The following ST8SIA2 variants were observed in gnomAD, a reference collection of about 807,000 sequenced individuals.
The protein encoded by ST8SIA2 is alpha-2,8-sialyltransferase 8B.
In ST8SIA2, 22 loss-of-function variants were observed where a neutral mutation model predicts 37.6. The observed-to-expected ratio is 0.58, with a 90% CI of 0.42 to 0.83. The LOEUF (loss-of-function observed/expected upper bound fraction) is 0.83. ST8SIA2 is among the 40% of genes least tolerant of loss of function. The pLI is 0.00. For synonymous variants in ST8SIA2, 205 were observed against 201.2 expected, an observed-to-expected ratio of 1.02 and a Z score of -0.16; for missense variants, 382 against 484.7, an observed-to-expected ratio of 0.79 and a Z score of 1.99.
At chr15:92,452,917 A>G (rs2049892426) in intron 5 of ST8SIA2, among the ~76,000 whole-genome samples, 1 of 152,148 alleles carries the variant, frequency 6.6e-6, no homozygotes, top group South Asian at 2.1e-4. Flanking sequence ...GGGAAAGGGA[A>G]AATTCAACCC....
intron 1 of ST8SIA2, among the ~76,000 whole-genome samples, chr15:92,424,396 T>C (rs2141823127): frequency 6.6e-6 from 1 of 152,054 alleles, no homozygotes; most frequent in South Asian, 2.1e-4. Flanking sequence ...TTATTAAAAA[T>C]GAAATAAAAT....
intron 5 of ST8SIA2, among the ~76,000 whole-genome samples, chr15:92,457,999 T>C (rs2049931444): frequency 6.6e-6 from 1 of 152,242 alleles, no homozygotes; most frequent in Admixed American, 6.5e-5. Flanking sequence ...CACTGCTGGC[T>C]TCCTCCTTTC....
chr15:92,397,300 G>A (rs574858084), intron 1 of ST8SIA2, among the ~76,000 whole-genome samples: 1 of 152,298 alleles, frequency 6.6e-6, no homozygotes, highest in South Asian at 2.1e-4. Context: ...GGCTTTTAAT[G>A]TGGTGGTCTC....
chr15:92,444,876 C>T lies in ST8SIA2; in HGVS notation c.789C>T (p.His263=), dbSNP rs908217761. 11 of 1,613,466 alleles carry T rather than the reference C, an allele frequency of 6.8e-6. No individual in the cohort carries two copies. Among genetic ancestry groups the T allele is most frequent in the Admixed American group, 1.7e-5 (1 of 60,016 alleles). Residue 263 remains histidine, a synonymous_variant, in exon 5 of 6, where the codon CAC becomes CAT. Coordinates refer to ENST00000268164, the MANE Select transcript of ST8SIA2 (RefSeq NM_006011.4). ...EWVNELILKH[H]VNVRTAYPSL... is the part of the protein sequence containing the mutation. ...TCAACGAGCTTATCCTGAAGCACCA[C>T]GTCAACGTGCGCACTGCATACCCCT... is the stretch of plus-strand genomic sequence containing the variant.
In ST8SIA2 at chr15:92,434,373, C is replaced by G; in HGVS notation, c.288C>G (p.Ile96Met). 5 of 1,614,196 alleles carry G rather than the reference C, an allele frequency of 3.1e-6. No individual in the cohort carries two copies. Among genetic ancestry groups the G allele is most frequent in the Non-Finnish European group, 4.2e-6 (5 of 1,180,030 alleles). Residue 96 changes from isoleucine to methionine, a missense_variant and splice_region_variant, in exon 3 of 6, where the codon ATC becomes ATG. Ile to Met is a conservative substitution (Grantham distance 10, BLOSUM62 1). Transcript: ENST00000268164. The stretch of plus-strand genomic sequence containing the variant: ...ATAACCAGACGCTCTCTCTGAGGAT[C>G]AGGTACTGGTAATTACCTACAGGAC... ...WRHNQTLSLR[I>M]RKQILKFLDA... is the part of the protein sequence containing the mutation.
intron 1 of ST8SIA2, among the ~76,000 whole-genome samples, chr15:92,407,231 G>A (rs1419424297): frequency 6.6e-6 from 1 of 152,298 alleles, no homozygotes; most frequent in Non-Finnish European, 1.5e-5. Flanking sequence ...GATCTAGCTG[G>A]CTGTTTTCCA....
At chr15:92,458,643 A>G (rs1422038521) in intron 5 of ST8SIA2, among the ~76,000 whole-genome samples, 1 of 152,194 alleles carries the variant, frequency 6.6e-6, no homozygotes, top group Non-Finnish European at 1.5e-5. Flanking sequence ...AGCAGGACCA[A>G]CGACCTTCCC....
Position 92,423,855 on chromosome 15 carries a change from C to T in ST8SIA2, c.99-6194C>T, listed in dbSNP as rs79686467. ...AGCAGATGGTAAATTTCATGTTATA[C>T]GTATTTTACCACGATTTTAAAAATT... On this transcript the variant is annotated intron_variant, in intron 1 of 5. Transcript: ENST00000268164. 5.3e-3 allele frequency among the ~76,000 whole-genome samples: 813 copies of T among 152,282 alleles called. 12 individuals are homozygous for T. Among genetic ancestry groups the T allele is most frequent in the African/African-American group, 0.019 (772 of 41,554 alleles).
chr15:92,403,497 C>T (rs1345289637), intron 1 of ST8SIA2, among the ~76,000 whole-genome samples: 2 of 152,158 alleles, frequency 1.3e-5, no homozygotes, highest in Non-Finnish European at 2.9e-5. Flanking sequence ...AACACTTCAG[C>T]GGAGGCTCTG....
chr15:92,405,036 G>A (rs1421079225), intron 1 of ST8SIA2, among the ~76,000 whole-genome samples: 1 of 152,156 alleles, frequency 6.6e-6, no homozygotes, highest in East Asian at 1.9e-4. Flanking sequence ...ACAGGCAGGA[G>A]GATAGCTTGA....
intron 1 of ST8SIA2, among the ~76,000 whole-genome samples, chr15:92,421,973 C>T (rs973658735): frequency 1.3e-5 from 2 of 152,210 alleles, no homozygotes; most frequent in African/African-American, 2.4e-5. Context: ...AAAACGTGGT[C>T]TCAATTATGA....
At chr15:92,406,253 A>G (rs2049507234) in intron 1 of ST8SIA2, among the ~76,000 whole-genome samples, 1 of 152,240 alleles carries the variant, frequency 6.6e-6, no homozygotes. Flanking sequence ...TGTTAAAAAC[A>G]GAACGCTGGA....
intron 1 of ST8SIA2, among the ~76,000 whole-genome samples, chr15:92,410,921 T>G (rs979664733): frequency 5.9e-5 from 9 of 152,128 alleles, no homozygotes; most frequent in Non-Finnish European, 1.3e-4. Context: ...ATGGAGAGAA[T>G]GGCCAGGACC....
At chr15:92,400,543 G>A (rs716628) in intron 1 of ST8SIA2, among the ~76,000 whole-genome samples, 12,097 of 152,260 alleles carry the variant, frequency 0.079, 624 homozygotes, top group South Asian at 0.15. Flanking sequence ...GTCTGGCTAT[G>A]ACGTTATTCA....
intron 1 of ST8SIA2, among the ~76,000 whole-genome samples, chr15:92,397,624 A>G (rs963298084): frequency 6.6e-6 from 1 of 152,210 alleles, no homozygotes; most frequent in Non-Finnish European, 1.5e-5. Flanking sequence ...TTTTAGATCC[A>G]ATTCGACCAA....
chr15:92,438,450 G>C lies in ST8SIA2; in HGVS notation c.388G>C (p.Asp130His). 1.2e-6 allele frequency: 2 copies of C among 1,614,214 alleles called. No individual in the cohort carries two copies. Among genetic ancestry groups the C allele is most frequent in the Non-Finnish European group, 1.7e-6 (2 of 1,180,038 alleles). ...TATTATTCATTACATCTTCGATCGA[G>C]ACAGCACCATGAATGTGTCCCAGAA... ...GDIIHYIFDR[D>H]STMNVSQNLY... Residue 130 changes from aspartate to histidine, a missense_variant, in exon 4 of 6, where the codon GAC becomes CAC. Asp to His is a moderately conservative substitution (Grantham distance 81, BLOSUM62 -1). Transcript: ENST00000268164.
chr15:92,444,581 AG>A (rs767150729), intron 4 of ST8SIA2, 54 bp from the exon 5 acceptor site: 2 of 1,611,062 alleles, frequency 1.2e-6, no homozygotes, highest in Non-Finnish European at 1.7e-6. Flanking sequence ...CGAGTTAAAC[AG>A]AGGAAGGGGT....
intron 5 of ST8SIA2, among the ~76,000 whole-genome samples, chr15:92,463,594 T>C (rs971042835): frequency 4.6e-5 from 7 of 152,234 alleles, no homozygotes; most frequent in Non-Finnish European, 8.8e-5. Context: ...AAACTGCTGC[T>C]CAAGGGCCAA....
At position 92,464,292 on chromosome 15, in the gene ST8SIA2, G is replaced by A. The variant is rs377119605; in HGVS notation, c.1035G>A (p.Pro345=). Reference sequence around the variant, plus strand: ...ATGGCTACACCTCCCAGGCCAGCCCGCATACCATGCCCTTGGAGTTTAAGG... The same window carrying A: ...ATGGCTACACCTCCCAGGCCAGCCCACATACCATGCCCTTGGAGTTTAAGG... ...LKYGYTSQAS[P]HTMPLEFKAL... Residue 345 remains proline, a synonymous_variant, in exon 6 of 6, where the codon CCG becomes CCA. Coordinates refer to ENST00000268164, the MANE Select transcript of ST8SIA2 (RefSeq NM_006011.4). 194 of 1,613,838 alleles carry A rather than the reference G, an allele frequency of 1.2e-4. No homozygotes were observed. Among genetic ancestry groups the A allele is most frequent in the East Asian group, 6.7e-4 (30 of 44,872 alleles).
Sources: gnomAD v4.1 joint callset for allele counts (sites outside exome capture counted in the v4.1 genomes callset) on GRCh38, gnomAD v4.1.1 for gene constraint, MANE v1.5 for transcripts, NCBI Gene and HGNC (gene_info 2026-07-23, HGNC 2026-07-21) for gene names.